The following EML4 variants were observed in gnomAD, a reference collection of about 807,000 sequenced individuals.
EML4 encodes echinoderm microtubule-associated protein-like 4.
EML4 carries 72 observed loss-of-function variants against 129.0 expected under a neutral mutation model. That is an observed-to-expected ratio of 0.56 (90% CI 0.46 to 0.68). The LOEUF is 0.68. EML4 is among the 30% of genes least tolerant of loss of function. The pLI is 0.00. For missense variants in EML4, 1,363 were observed against 1,190.6 expected (o/e 1.14, Z -2.13); for synonymous variants, 532 against 405.0 (o/e 1.31, Z -3.77).
At position 42,296,281 on chromosome 2, in the gene EML4, A is replaced by G. The variant is rs970928818; in HGVS notation, c.1489+765A>G. Among the ~76,000 whole-genome samples, 3 of 152,260 alleles carry G rather than the reference A, an allele frequency of 2.0e-5. No individual in the cohort carries two copies. The South Asian group carries it at 6.2e-4, about 32-fold the overall frequency. The stretch of plus-strand genomic sequence containing the variant: ...GAGAAGAGAGAGATTCTTAGCAGCA[A>G]CAGGTGGTAACAGTAGAAATAGAAC... On this transcript the variant is annotated intron_variant, in intron 13 of 22. Transcript: ENST00000318522.
At chr2:42,301,726 T>G (rs1271703617) in intron 14 of EML4, among the ~76,000 whole-genome samples, 1 of 152,094 alleles carries the variant, frequency 6.6e-6, no homozygotes, top group Non-Finnish European at 1.5e-5. Context: ...CGTGTAGCAT[T>G]CTTTCCAGAG....
At chr2:42,271,136 C>T (rs962638440) in intron 6 of EML4, among the ~76,000 whole-genome samples, 4 of 152,266 alleles carry the variant, frequency 2.6e-5, no homozygotes, top group East Asian at 1.9e-4. Context: ...TCAAGTGATC[C>T]GTCTGCTTCA....
chr2:42,217,444 ATTTC>A (rs1334027560), intron 1 of EML4, among the ~76,000 whole-genome samples: 3 of 152,160 alleles, frequency 2.0e-5, no homozygotes, highest in Non-Finnish European at 4.4e-5. Flanking sequence ...GATTCAGTAC[ATTTC>A]TTGTTTGGCC....
chr2:42,303,306 C>G lies in EML4; in HGVS notation c.1768-9C>G. Reference sequence around the variant, plus strand: ...GGTTCTTATAACAATGAGTGTCTTTCATTTTCAGGGTCATACAGATGAGCT... The same window carrying G: ...GGTTCTTATAACAATGAGTGTCTTTGATTTTCAGGGTCATACAGATGAGCT... On this transcript the variant is annotated splice_polypyrimidine_tract_variant and intron_variant, in intron 15 of 22. Transcript: ENST00000318522. 1 of 1,614,042 alleles carries G rather than the reference C, an allele frequency of 6.2e-7. No individual in the cohort carries two copies. The highest frequency in any genetic ancestry group is 8.5e-7 in the Non-Finnish European group (1 of 1,179,974).
At chr2:42,319,730 C>T (rs927434718) in intron 19 of EML4, 5 of 152,122 alleles carry the variant, frequency 3.3e-5, no homozygotes, top group Admixed American at 6.5e-5. Context: ...TATAATAGTT[C>T]GTACTTTATA....
At chr2:42,186,084 A>T (rs1434054095) in intron 1 of EML4, among the ~76,000 whole-genome samples, 1 of 152,182 alleles carries the variant, frequency 6.6e-6, no homozygotes, top group Non-Finnish European at 1.5e-5. Flanking sequence ...TTTGATCTTT[A>T]AAAAGTCTAT....
rs577173769 is a variant in EML4 at position 42,189,985 on chromosome 2, A to G, written c.25+20349A>G. ...AAATGCAAAGAGGAAAAAAAAAGTC[A>G]TCAAAATTGGGCTCTTTTTTTTTTT... is the stretch of plus-strand genomic sequence containing the variant. On this transcript the variant is annotated intron_variant, in intron 1 of 22. Coordinates refer to ENST00000318522, the MANE Select transcript of EML4 (RefSeq NM_019063.5). 2.8e-4 allele frequency among the ~76,000 whole-genome samples: 42 copies of G among 152,216 alleles called. 1 individual carries two copies. The South Asian group carries it at 3.1e-3, about 11-fold the overall frequency.
intron 6 of EML4, among the ~76,000 whole-genome samples, chr2:42,277,289 G>A (rs956026347): frequency 6.6e-6 from 1 of 152,166 alleles, no homozygotes; most frequent in African/African-American, 2.4e-5. Flanking sequence ...ACTTAAAAGA[G>A]TAAACTATAC....
chr2:42,195,046 G>GT (rs1671822296), intron 1 of EML4, among the ~76,000 whole-genome samples: 1 of 152,106 alleles, frequency 6.6e-6, no homozygotes, highest in Admixed American at 6.5e-5. Flanking sequence ...TTATTTCAAA[G>GT]TAGTTGCATG....
chr2:42,328,923 T>C lies in EML4; in HGVS notation c.2379T>C (p.Asn793=). 6.2e-7 allele frequency: 1 copy of C among 1,613,608 alleles called. No homozygotes were observed. Among genetic ancestry groups the C allele is most frequent in the Non-Finnish European group, 8.5e-7 (1 of 1,179,784 alleles). ...WPEGSDGTDI[N]ALVRSHNRKV... ...AAGGATCTGATGGGACAGATATCAATGCACTGGTGCGATCCCACAATAGAA... is the reference window on the plus strand; with the variant it reads ...AAGGATCTGATGGGACAGATATCAACGCACTGGTGCGATCCCACAATAGAA... The change falls in exon 22 of 23, where the codon AAT becomes AAC. Residue 793 remains asparagine (N), a synonymous_variant. Transcript: ENST00000318522.
intron 1 of EML4, among the ~76,000 whole-genome samples, chr2:42,173,940 T>A (rs772087132): frequency 8.5e-5 from 13 of 152,230 alleles, no homozygotes; most frequent in Admixed American, 4.6e-4. Flanking sequence ...AAGCACCATT[T>A]AGAATGCTGT....
At chr2:42,226,187 A>C (rs1471770291) in intron 1 of EML4, among the ~76,000 whole-genome samples, 1 of 152,098 alleles carries the variant, frequency 6.6e-6, no homozygotes, top group Non-Finnish European at 1.5e-5. Context: ...AATCTATTAG[A>C]TCTTCCAGAT....
At chr2:42,169,918 C>T (rs995054178) in intron 1 of EML4, 2 of 371,992 alleles carry the variant, frequency 5.4e-6, no homozygotes, top group African/African-American at 2.1e-5. Context: ...TTCTCAGGCC[C>T]CCCGATAGCT....
intron 11 of EML4, among the ~76,000 whole-genome samples, chr2:42,293,905 G>A (rs751778132): frequency 2.6e-5 from 4 of 152,144 alleles, no homozygotes; most frequent in Non-Finnish European, 5.9e-5. Flanking sequence ...CACCACGCCC[G>A]GCCCATGTTG....
intron 1 of EML4, among the ~76,000 whole-genome samples, chr2:42,196,711 A>G (rs1222573716): frequency 1.3e-5 from 2 of 152,202 alleles, no homozygotes; most frequent in Non-Finnish European, 1.5e-5. Flanking sequence ...CTTCTTGTTA[A>G]AAATAAGGTC....
chr2:42,220,163 C>T (rs908508356), intron 1 of EML4, among the ~76,000 whole-genome samples: 1 of 151,598 alleles, frequency 6.6e-6, no homozygotes, highest in East Asian at 1.9e-4. Context: ...TGAAAAAATA[C>T]CAGTTATCCA....
At chr2:42,240,306 A>G (rs1003075189) in intron 1 of EML4, among the ~76,000 whole-genome samples, 2 of 152,228 alleles carry the variant, frequency 1.3e-5, no homozygotes, top group African/African-American at 4.8e-5. Context: ...TACATACACT[A>G]AAAAGCAAAA....
Position 42,169,598 on chromosome 2 carries a change from G to T in EML4, c.-14G>T. 6.3e-7 allele frequency: 1 copy of T among 1,598,358 alleles called. No individual in the cohort carries two copies. ...CGCCCCTCTAAGCCCGGAGCCCGGC[G>T]CTTTCCCCGCAAGATGGACGGTTTC... On this transcript the variant is annotated 5_prime_UTR_variant, in exon 1 of 23. Transcript: ENST00000318522.
chr2:42,186,156 T>C (rs1322387358), intron 1 of EML4, among the ~76,000 whole-genome samples: 1 of 152,230 alleles, frequency 6.6e-6, no homozygotes, highest in African/African-American at 2.4e-5. Flanking sequence ...CTACCTACTT[T>C]GGATTGAATC....
Sources: allele counts gnomAD v4.1 joint callset (sites outside exome capture counted in the v4.1 genomes callset), GRCh38; gene constraint gnomAD v4.1.1; transcripts MANE v1.5; gene names NCBI Gene and HGNC (gene_info 2026-07-23, HGNC 2026-07-21).